The following NELL1 variants were observed in gnomAD, a reference collection of about 807,000 sequenced individuals.
NELL1 encodes neural EGFL like 1.
Under a neutral mutation model 107.4 loss-of-function variants are expected in NELL1, and 76 were observed. That is an observed-to-expected ratio of 0.71 (90% confidence interval 0.59 to 0.86). NELL1 has a LOEUF of 0.86. NELL1 is among the 40% of genes least tolerant of loss of function. The probability of loss-of-function intolerance (pLI) is 0.00; values close to 1 mark genes in which losing one functional copy is unlikely to be tolerated. For synonymous variants in NELL1, 353 were observed against 341.2 expected (o/e 1.03, Z -0.38); for missense variants, 1,024 against 1,005.5 (o/e 1.02, Z -0.25).
intron 14 of NELL1, among the ~76,000 whole-genome samples, chr11:21,303,572 A>G (rs763357093): frequency 8.5e-4 from 129 of 152,216 alleles, no homozygotes; most frequent in Non-Finnish European, 1.3e-3. Flanking sequence ...AATGTAAATT[A>G]GTACAACCTC....
At chr11:21,440,099 T>G (rs966153925) in intron 15 of NELL1, among the ~76,000 whole-genome samples, 1 of 152,180 alleles carries the variant, frequency 6.6e-6, no homozygotes, top group African/African-American at 2.4e-5. Context: ...TAATACAAAG[T>G]TAATTCATAG....
chr11:20,831,384 G>A (rs1245079808), intron 3 of NELL1, among the ~76,000 whole-genome samples: 2 of 152,216 alleles, frequency 1.3e-5, no homozygotes, highest in African/African-American at 4.8e-5. Flanking sequence ...CACTTTTAAA[G>A]TGTTTACAAT....
At chr11:21,201,469 T>C (rs973498081) in intron 13 of NELL1, among the ~76,000 whole-genome samples, 1 of 152,242 alleles carries the variant, frequency 6.6e-6, no homozygotes, top group African/African-American at 2.4e-5. Flanking sequence ...TTTTTGCACA[T>C]TGATTTTATA....
In NELL1 at chr11:20,744,919, A is replaced by G. The variant is rs1220674827; in HGVS notation, c.185-38761A>G. On this transcript the variant is annotated intron_variant, in intron 2 of 19. Coordinates refer to ENST00000357134, the MANE Select transcript of NELL1 (RefSeq NM_006157.5). ...CTCTGCCTGGAATACAGTTGCCCAG[A>G]TCTTCACAAGTCTGCCACTCATTAT... is the stretch of plus-strand genomic sequence containing the variant. 2.6e-5 allele frequency among the ~76,000 whole-genome samples: 4 copies of G among 152,254 alleles called. No homozygotes were observed. In the East Asian group the frequency reaches 7.7e-4, roughly 29 times the overall value.
At chr11:21,084,564 T>C (rs1854345559) in intron 12 of NELL1, among the ~76,000 whole-genome samples, 1 of 152,174 alleles carries the variant, frequency 6.6e-6, no homozygotes, top group Non-Finnish European at 1.5e-5. Context: ...CAAGGACTTC[T>C]CTGGCCCTGG....
At chr11:21,282,433 T>C (rs1249365588) in intron 14 of NELL1, among the ~76,000 whole-genome samples, 4 of 133,538 alleles carry the variant, frequency 3.0e-5, no homozygotes, top group African/African-American at 8.7e-5. Context: ...TGAGCTGACA[T>C]CATACCATGC....
At chr11:21,305,525 C>T (rs1300966224) in intron 14 of NELL1, among the ~76,000 whole-genome samples, 2 of 151,422 alleles carry the variant, frequency 1.3e-5, no homozygotes, top group African/African-American at 2.4e-5. Flanking sequence ...AGTGTGCTTC[C>T]AAAACATAAA....
chr11:20,758,404 T>C (rs1297290585), intron 2 of NELL1, among the ~76,000 whole-genome samples: 1 of 152,162 alleles, frequency 6.6e-6, no homozygotes, highest in African/African-American at 2.4e-5. Flanking sequence ...ACCACTTTTC[T>C]CATCTTCCAC....
At chr11:20,838,317 A>T (rs1848567960) in intron 3 of NELL1, among the ~76,000 whole-genome samples, 1 of 149,514 alleles carries the variant, frequency 6.7e-6, no homozygotes, top group African/African-American at 2.5e-5. Flanking sequence ...CTGAGGAGGC[A>T]TGACAAACAA....
At chr11:21,054,785 T>C (rs1321705972) in intron 12 of NELL1, among the ~76,000 whole-genome samples, 1 of 152,114 alleles carries the variant, frequency 6.6e-6, no homozygotes, top group African/African-American at 2.4e-5. Context: ...TATATTCATC[T>C]TAGTCTTTTT....
intron 12 of NELL1, among the ~76,000 whole-genome samples, chr11:20,977,266 T>TG (rs1417059859): frequency 9.8e-6 from 1 of 101,722 alleles, no homozygotes; most frequent in African/African-American, 4.3e-5. Flanking sequence ...TTAAATCTAT[T>TG]TTTTTTTTTT....
intron 15 of NELL1, among the ~76,000 whole-genome samples, chr11:21,440,000 C>T (rs1853236809): frequency 6.6e-6 from 1 of 152,000 alleles, no homozygotes; most frequent in African/African-American, 2.4e-5. Context: ...TTTTATTCTA[C>T]CAAGGAAAGG....
At chr11:20,947,485 C>T (rs373321904) in intron 11 of NELL1, 50 bp downstream of exon 11, 1 of 1,300,570 alleles carries the variant, frequency 7.7e-7, no homozygotes, top group Non-Finnish European at 1.1e-6. Context: ...TGGGGCTGGT[C>T]TTCTGGGGCA....
At chr11:20,695,675 C>T (rs1301611267) in intron 2 of NELL1, among the ~76,000 whole-genome samples, 2 of 151,972 alleles carry the variant, frequency 1.3e-5, no homozygotes, top group Non-Finnish European at 1.5e-5. Flanking sequence ...TCTGTTTGCT[C>T]GTATTTTGTT....
At chr11:21,454,709 A>G (rs1853678248) in intron 15 of NELL1, among the ~76,000 whole-genome samples, 1 of 152,204 alleles carries the variant, frequency 6.6e-6, no homozygotes, top group South Asian at 2.1e-4. Flanking sequence ...AGATTTGATT[A>G]CTGTAAAGGC....
chr11:20,877,617 A>G (rs10741857), intron 4 of NELL1, among the ~76,000 whole-genome samples: 128,908 of 152,134 alleles, frequency 0.85, 54,623 homozygotes, highest in East Asian at 0.92. Context: ...CCAAAGTCAC[A>G]AATTAAGAGA....
intron 13 of NELL1, among the ~76,000 whole-genome samples, chr11:21,155,662 A>G (rs1856215395): frequency 6.6e-6 from 1 of 152,156 alleles, no homozygotes; most frequent in Non-Finnish European, 1.5e-5. Context: ...TGCCAAGAAA[A>G]TGCTGGGGAG....
At position 21,575,564 on chromosome 11, in the gene NELL1, A is replaced by G. The variant is rs75151165; in HGVS notation, c.*542A>G. 0.013 allele frequency: 1,939 copies of G among 152,058 alleles called. 39 individuals carry two copies. The highest frequency in any genetic ancestry group is 0.074 in the East Asian group (377 of 5,108). The allele number at this position is 152,058 out of a possible 1,614,324, so 9.4% of individuals were successfully genotyped here. A position where few individuals can be genotyped will look rare whatever the true frequency, so the allele number is the denominator to read the frequency against. ...TTATACATACATTTCATAGTGCTGA[A>G]CCTTCTTAAATGCCTACTCATTCAG... On this transcript the variant is annotated 3_prime_UTR_variant, in exon 20 of 20. Coordinates refer to ENST00000357134, the MANE Select transcript of NELL1 (RefSeq NM_006157.5).
intron 2 of NELL1, among the ~76,000 whole-genome samples, chr11:20,683,859 G>T (rs1026817228): frequency 1.3e-5 from 2 of 151,868 alleles, no homozygotes; most frequent in African/African-American, 2.4e-5. Flanking sequence ...CTGGAGACAA[G>T]TATTTTTCCC....
Sources: gnomAD v4.1 joint callset for allele counts (sites outside exome capture counted in the v4.1 genomes callset) on GRCh38, gnomAD v4.1.1 for gene constraint, MANE v1.5 for transcripts, NCBI Gene and HGNC (gene_info 2026-07-23, HGNC 2026-07-21) for gene names.